IFNAR1: variants seen among roughly 807,000 people sequenced by gnomAD.
IFNAR1 encodes interferon alpha and beta receptor subunit 1, also known as interferon alpha/beta receptor 1.
IFNAR1 carries 47 observed loss-of-function variants against 62.1 expected under a neutral mutation model. The ratio of observed to expected loss-of-function variants is 0.76; its 90% CI spans 0.60 to 0.97. The LOEUF (loss-of-function observed/expected upper bound fraction) is 0.97. Ranked by LOEUF, IFNAR1 falls within the 50% of genes least tolerant of loss-of-function variation. The pLI, the probability that IFNAR1 is intolerant of heterozygous loss-of-function variation, is 0.00. For missense variants in IFNAR1, 638 were observed against 654.5 expected (o/e 0.97, Z 0.27); for synonymous variants, 219 against 226.9 (o/e 0.97, Z 0.31).
At chr21:33,352,095 C>T (rs146983841) in intron 8 of IFNAR1, among the ~76,000 whole-genome samples, 131 of 152,162 alleles carry the variant, frequency 8.6e-4, no homozygotes, top group Non-Finnish European at 1.4e-3. Flanking sequence ...ATAATGCTTG[C>T]AAGACCACAC....
At chr21:33,333,426 G>A (rs1255966603) in intron 1 of IFNAR1, among the ~76,000 whole-genome samples, 1 of 151,858 alleles carries the variant, frequency 6.6e-6, no homozygotes, top group Non-Finnish European at 1.5e-5. Flanking sequence ...GATACACAAA[G>A]GAGAAAGAGA....
intron 6 of IFNAR1, among the ~76,000 whole-genome samples, chr21:33,348,472 C>A (rs1040159786): frequency 6.6e-6 from 1 of 152,062 alleles, no homozygotes; most frequent in Non-Finnish European, 1.5e-5. Context: ...TTATTTATTA[C>A]CTCTGTCTTT....
chr21:33,333,955 C>T (rs1023632446), intron 1 of IFNAR1, among the ~76,000 whole-genome samples: 2 of 152,020 alleles, frequency 1.3e-5, no homozygotes, highest in Non-Finnish European at 2.9e-5. Flanking sequence ...TATAAAGACA[C>T]ATATAAACTG....
At chr21:33,343,993 T>C (rs1439348080) in intron 5 of IFNAR1, among the ~76,000 whole-genome samples, 11 of 152,144 alleles carry the variant, frequency 7.2e-5, no homozygotes, top group Non-Finnish European at 1.5e-4. Flanking sequence ...CCGTGTCTAC[T>C]AAAAATAATT....
At position 33,324,975 on chromosome 21, in the gene IFNAR1, G is replaced by A. The variant is rs1236169299; in HGVS notation, c.-81G>A. Reference sequence around the variant, plus strand: ...CAGCGCGTGTGCAGAGGGGCGGTGTGACTTAGGACGGGGCGATGGCGGCTG... The same window carrying A: ...CAGCGCGTGTGCAGAGGGGCGGTGTAACTTAGGACGGGGCGATGGCGGCTG... On this transcript the variant is annotated 5_prime_UTR_variant, in exon 1 of 11. Coordinates refer to ENST00000270139, the MANE Select transcript of IFNAR1 (RefSeq NM_000629.3). 4 of 1,313,766 alleles carry A rather than the reference G, an allele frequency of 3.0e-6. No individual in the cohort carries two copies. In the African/African-American group the frequency reaches 4.4e-5, roughly 14 times the overall value. The allele number at this position is 1,313,766 out of a possible 1,614,324, so 81.4% of individuals were successfully genotyped here.
chr21:33,340,852 A>G, intron 2 of IFNAR1, 147 bp from the exon 3 acceptor site: 1 of 571,660 alleles, frequency 1.7e-6, no homozygotes, highest in Non-Finnish European at 3.1e-6. Context: ...AAGTAGAAGA[A>G]ATAACTCTTA....
intron 10 of IFNAR1, 56 bp from the exon 11 acceptor site, chr21:33,355,259 AG>A: frequency 1.1e-6 from 1 of 872,414 alleles, no homozygotes; most frequent in Non-Finnish European, 1.7e-6. Flanking sequence ...CAACTAGAAA[AG>A]GAATTTTTAT....
At position 33,325,127 on chromosome 21, in the gene IFNAR1, C is replaced by T. The variant is rs1224314225; in HGVS notation, c.72C>T (p.Ala24=). 2.5e-6 allele frequency: 4 copies of T among 1,610,822 alleles called. No individual in the cohort carries two copies. The highest frequency in any genetic ancestry group is 2.2e-5 in the East Asian group (1 of 44,830). The change falls in exon 1 of 11, where the codon GCC becomes GCT. Residue 24 remains alanine, a synonymous_variant. Transcript: ENST00000270139. ...TGGCGCCATGGGTGTTGTCCGCAGCCGCAGGTGAGAGGCGGGGAGGAGAGT... is the reference window on the plus strand; with the variant it reads ...TGGCGCCATGGGTGTTGTCCGCAGCTGCAGGTGAGAGGCGGGGAGGAGAGT... ...VAVAPWVLSA[A]AGGKNLKSPQ...
At chr21:33,345,054 C>T (rs1272435763) in intron 5 of IFNAR1, among the ~76,000 whole-genome samples, 192 bp from the exon 6 acceptor site, 1 of 152,182 alleles carries the variant, frequency 6.6e-6, no homozygotes, top group African/African-American at 2.4e-5. Context: ...TCCCAAAGTT[C>T]TGGGATTACA....
chr21:33,337,782 A>T (rs1312579078), intron 2 of IFNAR1, among the ~76,000 whole-genome samples: 1 of 52,716 alleles, frequency 1.9e-5, no homozygotes, highest in Non-Finnish European at 4.0e-5. Context: ...CACACTGTAT[A>T]TGTATATGTA....
At chr21:33,342,688 CAAAAAAAAA>C (rs757422966) in intron 3 of IFNAR1, among the ~76,000 whole-genome samples, 1 of 93,518 alleles carries the variant, frequency 1.1e-5, no homozygotes, top group Non-Finnish European at 2.2e-5. Context: ...ACTAAAAATA[CAAAAAAAAA>C]AAAAAAAAAA....
intron 1 of IFNAR1, among the ~76,000 whole-genome samples, chr21:33,327,676 G>C (rs915203427): frequency 1.3e-5 from 2 of 152,130 alleles, no homozygotes; most frequent in African/African-American, 4.8e-5. Flanking sequence ...ATCTGAGACC[G>C]GTCTGAAATC....
intron 8 of IFNAR1, 107 bp downstream of exon 8, chr21:33,349,650 G>C (rs1281698520): frequency 2.5e-6 from 2 of 798,550 alleles, no homozygotes; most frequent in African/African-American, 3.5e-5. Flanking sequence ...CTTTATGTGG[G>C]CTGGATGCAG....
intron 2 of IFNAR1, among the ~76,000 whole-genome samples, chr21:33,337,744 A>C (rs2083255299): frequency 6.6e-6 from 1 of 152,034 alleles, no homozygotes; most frequent in East Asian, 1.9e-4. Flanking sequence ...TTGTGTATAC[A>C]TACATATACA....
chr21:33,328,623 G>C lies in IFNAR1; in HGVS notation c.76+3492G>C, dbSNP rs996739944. Among the ~76,000 whole-genome samples the C allele has an allele frequency of 1.1e-4, 16 of 152,272 alleles. No individual in the cohort carries two copies. The South Asian group carries it at 1.2e-3, about 12-fold the overall frequency. On this transcript the variant is annotated intron_variant, in intron 1 of 10. Transcript: ENST00000270139. ...AATGTTGCTCAGTCTTTCAGAAGTT[G>C]TATAAATGTACCTTTTAGCCTAGTA...
chr21:33,335,092 C>T (rs2083220400), intron 1 of IFNAR1: 1 of 809,336 alleles, frequency 1.2e-6, no homozygotes, highest in South Asian at 1.4e-5. Flanking sequence ...CCCTAGGACT[C>T]AACCTTATTT....
chr21:33,349,798 C>A (rs957891906), intron 8 of IFNAR1, among the ~76,000 whole-genome samples: 1 of 151,770 alleles, frequency 6.6e-6, no homozygotes, highest in East Asian at 1.9e-4. Context: ...TGGTGGCGTG[C>A]ACCTATATTC....
rs1282337668 is a variant in IFNAR1, at chr21:33,341,031, G to A, written c.233G>A (p.Gly78Glu). 1 of 1,610,894 alleles carries A rather than the reference G, an allele frequency of 6.2e-7. No individual in the cohort carries two copies. Among genetic ancestry groups the A allele is most frequent in the Non-Finnish European group, 8.5e-7 (1 of 1,178,020 alleles). The change falls in exon 3 of 11, where the codon GGG (glycine) becomes GAG (glutamate). Residue 78 changes from glycine to glutamate, a missense_variant. Coordinates refer to ENST00000270139, the MANE Select transcript of IFNAR1 (RefSeq NM_000629.3). ...TGMDNWIKLS[G>E]CQNITSTKCN... is the part of the protein sequence containing the mutation. Reference sequence around the variant, plus strand: ...ATGGATAATTGGATAAAATTGTCTGGGTGTCAGAATATTACTAGTACCAAA... The same window carrying A: ...ATGGATAATTGGATAAAATTGTCTGAGTGTCAGAATATTACTAGTACCAAA...
At chr21:33,325,603 T>C (rs1169220629) in intron 1 of IFNAR1, among the ~76,000 whole-genome samples, 1 of 152,180 alleles carries the variant, frequency 6.6e-6, no homozygotes, top group Non-Finnish European at 1.5e-5. Flanking sequence ...TCGGAGTGAC[T>C]GAAGCATAAT....
Sources: gnomAD v4.1 joint callset for allele counts (sites outside exome capture counted in the v4.1 genomes callset) on GRCh38, gnomAD v4.1.1 for gene constraint, MANE v1.5 for transcripts, NCBI Gene and HGNC (gene_info 2026-07-23, HGNC 2026-07-21) for gene names.